TIMM23: variants seen among roughly 807,000 people sequenced by gnomAD.
TIMM23 encodes the protein mitochondrial import inner membrane translocase subunit Tim23.
In TIMM23, 19 loss-of-function variants were observed where a neutral mutation model predicts 30.7. The observed-to-expected ratio is 0.62, with a 90% CI of 0.43 to 0.91. TIMM23 has a LOEUF of 0.91. Among genes scored for constraint, TIMM23 ranks in the 40% least tolerant of loss-of-function variants. The probability of loss-of-function intolerance (pLI) is 0.00; values close to 1 mark genes in which losing one functional copy is unlikely to be tolerated. For synonymous variants in TIMM23, 78 were observed against 98.5 expected, an observed-to-expected ratio of 0.79 and a Z score of 1.23; for missense variants, 202 against 269.2, an observed-to-expected ratio of 0.75 and a Z score of 1.75.
rs782045141 is a variant in TIMM23, at chr10:46,003,221, C to G, written c.533C>G (p.Ala178Gly). The change falls in exon 7 of 7, where the codon GCA (alanine) becomes GGA (glycine). Residue 178 changes from alanine to glycine, a missense_variant. Coordinates refer to ENST00000580018, the MANE Select transcript of TIMM23 (RefSeq NM_006327.4). Reference sequence around the variant, plus strand: ...TTCCCAGGTGGTCTTCGAGGGATAGCACGAGGTGGTCTGACAGGACTAACA... The same window carrying G: ...TTCCCAGGTGGTCTTCGAGGGATAGGACGAGGTGGTCTGACAGGACTAACA... The part of the protein sequence containing the change: ...YKCTGGLRGI[A>G]RGGLTGLTLT... 6.2e-7 allele frequency: 1 copy of G among 1,614,006 alleles called. No individual in the cohort carries two copies. The highest frequency in any genetic ancestry group is 8.5e-7 in the Non-Finnish European group (1 of 1,179,922).
chr10:45,987,749 A>G (rs1590120548), intron 5 of TIMM23, among the ~76,000 whole-genome samples: 1 of 150,384 alleles, frequency 6.6e-6, no homozygotes, highest in Admixed American at 6.7e-5. Flanking sequence ...AGGAGCTGGG[A>G]CTACAGGCAA....
rs1429613408 is a variant in TIMM23, at chr10:45,989,491, T to C, written c.514+644T>C. The stretch of plus-strand genomic sequence containing the variant: ...CCTTCTTTCTTTTTTTGGATATATG[T>C]GCAGAAGTGGAATTCTTGGATCATA... On this transcript the variant is annotated intron_variant, in intron 6 of 6. Transcript: ENST00000580018. 4.8e-3 allele frequency among the ~76,000 whole-genome samples: 724 copies of C among 152,348 alleles called. 5 individuals carry two copies. The highest frequency in any genetic ancestry group is 0.019 in the East Asian group (98 of 5,192).
At chr10:45,986,882 T>C (rs1838008762) in intron 5 of TIMM23, among the ~76,000 whole-genome samples, 1 of 152,088 alleles carries the variant, frequency 6.6e-6, no homozygotes, top group South Asian at 2.1e-4. Context: ...AATGAAAATT[T>C]TAAATATTCT....
At chr10:45,985,817 C>T (rs1476980716) in intron 5 of TIMM23, among the ~76,000 whole-genome samples, 12 of 152,126 alleles carry the variant, frequency 7.9e-5, no homozygotes, top group Non-Finnish European at 1.3e-4. Context: ...TTAATCCAGC[C>T]CTCTTGCTAT....
intron 6 of TIMM23, chr10:45,998,469 C>T (rs1377500417): frequency 1.2e-6 from 1 of 813,614 alleles, no homozygotes; most frequent in South Asian, 5.6e-5. Flanking sequence ...TTACTCTGTT[C>T]AAAGCAAGTA....
At chr10:45,987,728 TCAGCCTTTCAAGGAGCTGGGACTA>T (rs2132263299) in intron 5 of TIMM23, among the ~76,000 whole-genome samples, 1 of 143,062 alleles carries the variant, frequency 7.0e-6, no homozygotes, top group East Asian at 2.2e-4. Flanking sequence ...GCCTCCCACC[TCAGCCTTTCAAGGAGCTGGGACTA>T]CAGGCAACAT....
At chr10:45,996,402 C>G (rs1479476259) in intron 6 of TIMM23, among the ~76,000 whole-genome samples, 1 of 149,680 alleles carries the variant, frequency 6.7e-6, no homozygotes, top group East Asian at 1.9e-4. Context: ...ATATTCGTCA[C>G]TAGCTGTATG....
chr10:45,998,809 A>G (rs1032356856), intron 6 of TIMM23, among the ~76,000 whole-genome samples: 2 of 148,696 alleles, frequency 1.3e-5, no homozygotes, highest in Non-Finnish European at 1.5e-5. Context: ...ATTATTTAAT[A>G]TGTTACTGGT....
chr10:45,996,986 G>T (rs1590130310), intron 6 of TIMM23, among the ~76,000 whole-genome samples: 1 of 115,620 alleles, frequency 8.6e-6, no homozygotes, highest in Non-Finnish European at 1.9e-5. Flanking sequence ...AAAAAAAAAA[G>T]ATAGATTCTA....
chr10:45,998,259 A>T, intron 6 of TIMM23: 1 of 364,158 alleles, frequency 2.7e-6, no homozygotes, highest in Non-Finnish European at 3.8e-6. Context: ...TGAATGCATT[A>T]GTTCTGCCAC....
chr10:46,001,173 A>G (rs1447115037), intron 6 of TIMM23, among the ~76,000 whole-genome samples: 3 of 152,216 alleles, frequency 2.0e-5, no homozygotes, highest in Admixed American at 2.0e-4. Context: ...TATTTTGAGT[A>G]TACACTATTT....
At chr10:45,975,359 A>G (rs1423471125) in intron 1 of TIMM23, 95 bp from the exon 2 acceptor site, 1 of 1,495,286 alleles carries the variant, frequency 6.7e-7, no homozygotes, top group Non-Finnish European at 9.2e-7. Flanking sequence ...GCCTATAAAA[A>G]TTGCAAACAC....
rs1490181784 is a variant in TIMM23, at chr10:45,981,186, G to A, written c.166-1337G>A. On this transcript the variant is annotated intron_variant, in intron 2 of 6. Coordinates refer to ENST00000580018, the MANE Select transcript of TIMM23 (RefSeq NM_006327.4). ...ACTCCTGAGCTCTGGCAGTCCACCC[G>A]ACTCGGCTTCCCAAAGCGCTGAGAT... Among the ~76,000 whole-genome samples the A allele has an allele frequency of 4.4e-3, 651 of 146,588 alleles. 4 individuals carry two copies. Among genetic ancestry groups the A allele is most frequent in the East Asian group, 0.019 (94 of 5,038 alleles).
At chr10:46,000,807 T>C (rs1290340401) in intron 6 of TIMM23, among the ~76,000 whole-genome samples, 1 of 152,226 alleles carries the variant, frequency 6.6e-6, no homozygotes, top group East Asian at 1.9e-4. Flanking sequence ...TGTGTGGTTA[T>C]AGGAAATAGT....
At chr10:46,003,008 A>G (rs1228656098) in intron 6 of TIMM23, among the ~76,000 whole-genome samples, 195 bp from the exon 7 acceptor site, 1 of 151,916 alleles carries the variant, frequency 6.6e-6, no homozygotes, top group Non-Finnish European at 1.5e-5. Context: ...AATTTTTAAT[A>G]GGGTTTCACT....
At chr10:45,978,379 A>G (rs1300600947) in intron 2 of TIMM23, among the ~76,000 whole-genome samples, 2 of 152,228 alleles carry the variant, frequency 1.3e-5, no homozygotes, top group African/African-American at 4.8e-5. Flanking sequence ...GACAATCCAC[A>G]GACTGAGAGA....
intron 6 of TIMM23, among the ~76,000 whole-genome samples, chr10:45,991,809 T>C (rs1395803899): frequency 6.6e-6 from 1 of 152,206 alleles, no homozygotes; most frequent in African/African-American, 2.4e-5. Context: ...AGAAGACTGT[T>C]TGCTGTTTGG....
At chr10:45,977,130 T>C (rs1837696644) in intron 2 of TIMM23, among the ~76,000 whole-genome samples, 1 of 149,616 alleles carries the variant, frequency 6.7e-6, no homozygotes, top group Non-Finnish European at 1.5e-5. Flanking sequence ...GCTATGATCC[T>C]GAAAATTTTA....
At chr10:45,976,628 CTA>C (rs1837680707) in intron 2 of TIMM23, among the ~76,000 whole-genome samples, 1 of 152,076 alleles carries the variant, frequency 6.6e-6, no homozygotes, top group South Asian at 2.1e-4. Flanking sequence ...ATAAATAAAA[CTA>C]GACATAAAAG....
Sources: allele counts gnomAD v4.1 joint callset (sites outside exome capture counted in the v4.1 genomes callset), GRCh38; gene constraint gnomAD v4.1.1; transcripts MANE v1.5; gene names NCBI Gene and HGNC (gene_info 2026-07-23, HGNC 2026-07-21).